BTD: variants seen among roughly 807,000 people sequenced by gnomAD.
BTD encodes the protein biotinidase.
In BTD, 13 loss-of-function variants were observed where a neutral mutation model predicts 17.7. The ratio of observed to expected loss-of-function variants is 0.74; its 90% CI spans 0.48 to 1.17. BTD has a LOEUF of 1.17. Ranked by LOEUF, BTD falls within the 50% of genes most tolerant of loss-of-function variation. The probability of loss-of-function intolerance (pLI) is 0.00; values close to 1 mark genes in which losing one functional copy is unlikely to be tolerated. For missense variants in BTD, 674 were observed against 650.4 expected, an observed-to-expected ratio of 1.04 and a Z score of -0.39; for synonymous variants, 240 against 245.2, an observed-to-expected ratio of 0.98 and a Z score of 0.20.
chr3:15,624,460 G>C (rs1450430833), intron 1 of BTD, among the ~76,000 whole-genome samples: 1 of 151,720 alleles, frequency 6.6e-6, no homozygotes, highest in Non-Finnish European at 1.5e-5. Context: ...ATATTCTCAA[G>C]CTCAGGGATT....
chr3:15,709,007 T>C (rs1328505032), intron 3 of BTD, among the ~76,000 whole-genome samples: 1 of 152,194 alleles, frequency 6.6e-6, no homozygotes, highest in Non-Finnish European at 1.5e-5. Flanking sequence ...CTTTCCTGTA[T>C]GGTTCTAATG....
At chr3:15,671,409 T>C (rs1249354403) in intron 3 of BTD, among the ~76,000 whole-genome samples, 1 of 152,070 alleles carries the variant, frequency 6.6e-6, no homozygotes, top group Admixed American at 6.6e-5. Flanking sequence ...TAACATACAT[T>C]TGTATAACCA....
At chr3:15,656,603 G>A, downstream of BTD, among the ~76,000 whole-genome samples, 1 of 152,146 alleles carries the variant, frequency 6.6e-6, no homozygotes, top group Non-Finnish European at 1.5e-5. Context: ...GTTTTACTTT[G>A]CGGCACTGAG....
chr3:15,692,144 TAA>T (rs908039642), intron 3 of BTD, among the ~76,000 whole-genome samples: 2,338 of 98,866 alleles, frequency 0.024, 53 homozygotes, highest in African/African-American at 0.1. Context: ...TATCTCTAAA[TAA>T]AAAAAAAAAA....
Position 15,635,393 on chromosome 3 carries a change from G to C in BTD, c.-16-31G>C. On this transcript the variant is annotated intron_variant, in intron 1 of 3. Transcript: ENST00000643237. This position sits in a 1 kb window ranked among gnomAD's most constrained non-coding sequence, Gnocchi z 4.1. ...AATTCTTGGCAGGATTCTTTATTCA[G>C]CTGTTTTCCCCTTGCCCCATTACAT... 6.2e-7 allele frequency: 1 copy of C among 1,614,140 alleles called. No individual in the cohort carries two copies. Among genetic ancestry groups the C allele is most frequent in the Non-Finnish European group, 8.5e-7 (1 of 1,180,040 alleles).
chr3:15,699,595 A>T (rs988452358), intron 3 of BTD, among the ~76,000 whole-genome samples: 1 of 152,276 alleles, frequency 6.6e-6, no homozygotes, highest in Non-Finnish European at 1.5e-5. Flanking sequence ...GACACTTCTC[A>T]AAAGATGACA....
exon 4 of BTD, chr3:15,712,276 T>A (rs1225497867): frequency 1.5e-6 from 2 of 1,368,568 alleles, no homozygotes; most frequent in Non-Finnish European, 2.0e-6. Flanking sequence ...AAAAATACAA[T>A]CAGTTAAATA....
chr3:15,638,875 A>G (rs552294806), intron 2 of BTD, among the ~76,000 whole-genome samples: 103 of 152,396 alleles, frequency 6.8e-4, no homozygotes, highest in Non-Finnish European at 1.2e-3. Flanking sequence ...AAGCATTTGT[A>G]TATGTAAACA....
chr3:15,679,151 T>G, intron 3 of BTD: 1 of 658,744 alleles, frequency 1.5e-6, no homozygotes, highest in Non-Finnish European at 2.6e-6. Context: ...TTTTTTTTGG[T>G]AGAGATGCAG....
At chr3:15,611,762 C>T (rs2064640450) in intron 1 of BTD, among the ~76,000 whole-genome samples, 1 of 149,234 alleles carries the variant, frequency 6.7e-6, no homozygotes, top group Admixed American at 6.7e-5. Context: ...TGGGTGATGG[C>T]GTGAGACAGT....
At chr3:15,616,958 G>A (rs1447612531) in intron 1 of BTD, among the ~76,000 whole-genome samples, 5 of 151,878 alleles carry the variant, frequency 3.3e-5, no homozygotes, top group East Asian at 1.9e-4. Context: ...TCAGCCTCCC[G>A]AGTAGCTGGG....
rs746099217 is a variant in BTD, at chr3:15,645,249, G to T, written c.1333G>T (p.Gly445Cys). The change falls in exon 4 of 4, where the codon GGT becomes TGT. Residue 445 changes from glycine to cysteine, a missense_variant. Physicochemically the swap from Gly to Cys is radical, Grantham distance 159. Coordinates refer to ENST00000643237, the MANE Select transcript of BTD (RefSeq NM_001370658.1). Reference sequence around the variant, plus strand: ...AGTGTGTGCCCTGGTCAGGTGTGGGGGTCTTGGCTTCGACACCTGTGGACA... The same window carrying T: ...AGTGTGTGCCCTGGTCAGGTGTGGGTGTCTTGGCTTCGACACCTGTGGACA... ...IQVCALVRCG[G>C]LGFDTCGQEI... is the part of the protein sequence containing the mutation. The T allele has an allele frequency of 6.2e-7, 1 of 1,614,082 alleles. No homozygotes were observed. The highest frequency in any genetic ancestry group is 8.5e-7 in the Non-Finnish European group (1 of 1,180,038).
chr3:15,676,904 T>G (rs1282690089), intron 3 of BTD: 1 of 1,343,188 alleles, frequency 7.4e-7, no homozygotes, highest in Non-Finnish European at 1.1e-6. Flanking sequence ...GTCACATGTT[T>G]AAAAAAATCC....
intron 1 of BTD, among the ~76,000 whole-genome samples, chr3:15,613,340 C>T (rs1574979927): frequency 6.6e-6 from 1 of 152,170 alleles, no homozygotes; most frequent in African/African-American, 2.4e-5. Context: ...TATTTCCATT[C>T]ATGTTGCTTA....
intron 3 of BTD, among the ~76,000 whole-genome samples, chr3:15,709,214 A>G (rs2071889629): frequency 6.6e-6 from 1 of 152,218 alleles, no homozygotes; most frequent in Non-Finnish European, 1.5e-5. Flanking sequence ...AAGAAAAATT[A>G]CACATATATA....
intron 3 of BTD, among the ~76,000 whole-genome samples, chr3:15,695,479 A>C (rs972867614): frequency 6.6e-6 from 1 of 152,020 alleles, no homozygotes; most frequent in Non-Finnish European, 1.5e-5. Context: ...TAAATTGTCA[A>C]CCTCCCTTTT....
In BTD at chr3:15,635,842, G is replaced by A. The variant is rs1034164805; in HGVS notation, c.249+154G>A. On this transcript the variant is annotated intron_variant, in intron 2 of 3. Transcript: ENST00000643237. This position sits in a 1 kb window ranked among gnomAD's most constrained non-coding sequence, Gnocchi z 4.1. ...GTTGAGTTAGTCAGTTGAATTAGGA[G>A]CCTTACCCCTCAGAGAGTGGTCCGT... Among the ~76,000 whole-genome samples the A allele has an allele frequency of 1.3e-5, 2 of 152,224 alleles. No homozygotes were observed. The highest frequency in any genetic ancestry group is 2.9e-5 in the Non-Finnish European group (2 of 68,040).
downstream of BTD, among the ~76,000 whole-genome samples, chr3:15,655,089 A>G (rs552108401): frequency 2.0e-5 from 3 of 152,330 alleles, no homozygotes; most frequent in South Asian, 6.2e-4. Flanking sequence ...AAAAGCCCCT[A>G]CATTCATGCA....
chr3:15,603,668 T>C (rs1406978267), intron 1 of BTD, among the ~76,000 whole-genome samples: 1 of 151,596 alleles, frequency 6.6e-6, no homozygotes, highest in Non-Finnish European at 1.5e-5. Context: ...AAAAAAATAA[T>C]AAAATTAAAT....
Sources: allele counts gnomAD v4.1 joint callset (sites outside exome capture counted in the v4.1 genomes callset), GRCh38; gene constraint gnomAD v4.1.1; non-coding constraint Gnocchi (gnomAD v3.1); transcripts MANE v1.5; gene names NCBI Gene and HGNC (gene_info 2026-07-23, HGNC 2026-07-21).